Variants in MANBA observed in about 807,000 individuals in gnomAD.
MANBA encodes the protein mannosidase beta.
Under a neutral mutation model 111.1 loss-of-function variants are expected in MANBA, and 83 were observed. The ratio of observed to expected loss-of-function variants is 0.75; its 90% confidence interval spans 0.63 to 0.90. The LOEUF (loss-of-function observed/expected upper bound fraction) is 0.90, where lower values mean the gene tolerates loss of function less well. Among genes scored for constraint, MANBA ranks in the 40% least tolerant of loss-of-function variants. The probability of loss-of-function intolerance (pLI) is 0.00; values close to 1 mark genes in which losing one functional copy is unlikely to be tolerated. For missense variants in MANBA, 1,036 were observed against 1,069.0 expected, an observed-to-expected ratio of 0.97 and a Z score of 0.43; for synonymous variants, 370 against 378.7, an observed-to-expected ratio of 0.98 and a Z score of 0.27.
At chr4:102,633,637 T>C (rs774492359) in intron 16 of MANBA, among the ~76,000 whole-genome samples, 3 of 152,160 alleles carry the variant, frequency 2.0e-5, no homozygotes, top group Non-Finnish European at 4.4e-5. Flanking sequence ...CAAAATGAGA[T>C]AGAACAAAGA....
intron 5 of MANBA, among the ~76,000 whole-genome samples, chr4:102,697,776 G>A (rs555576777): frequency 6.6e-6 from 1 of 151,554 alleles, no homozygotes; most frequent in East Asian, 1.9e-4. Flanking sequence ...ATTTGGGTTG[G>A]TTCCAAGTCT....
intron 2 of MANBA, among the ~76,000 whole-genome samples, chr4:102,726,036 C>T (rs1169925596): frequency 1.3e-5 from 2 of 151,834 alleles, no homozygotes; most frequent in African/African-American, 4.8e-5. Flanking sequence ...ACAGCAGTAA[C>T]TCCATGATAT....
chr4:102,696,051 G>A (rs1358672769), intron 5 of MANBA, among the ~76,000 whole-genome samples: 1 of 152,020 alleles, frequency 6.6e-6, no homozygotes, highest in Non-Finnish European at 1.5e-5. Context: ...TACATAATGA[G>A]ACCCCATCTC....
rs36126232 is a variant in MANBA, at chr4:102,759,137, C to CTTT, written c.177+1578_177+1580dup. 2.5e-4 allele frequency among the ~76,000 whole-genome samples: 34 copies of CTTT among 138,212 alleles called. 1 individual carries two copies. The highest frequency in any genetic ancestry group is 1.2e-3 in the East Asian group (6 of 4,812). The allele number at this position is 138,212 out of a possible 152,430, so 90.7% of individuals were successfully genotyped here. ...TTCCCATTGGCTTAATTCTTTCTTT[C>CTTT]TTTTTTTTTTTTTTTAGAGATAGAA... On this transcript the variant is annotated intron_variant, in intron 1 of 16. Coordinates refer to ENST00000647097, the MANE Select transcript of MANBA (RefSeq NM_005908.4).
Position 102,650,631 on chromosome 4 carries a change from T to C in MANBA, c.1775A>G (p.Asn592Ser). 1 of 1,613,542 alleles carries C rather than the reference T, an allele frequency of 6.2e-7. No individual in the cohort carries two copies. The highest frequency in any genetic ancestry group is 8.5e-7 in the Non-Finnish European group (1 of 1,179,492). The change falls in exon 13 of 17, where the codon AAC (asparagine) becomes AGC (serine). Residue 592 changes from asparagine to serine, a missense_variant. Asn to Ser is a conservative substitution (Grantham distance 46, BLOSUM62 1). Transcript: ENST00000647097. ...SLHRQHHEGG[N>S]KQMLYQAGLH... is the part of the protein sequence containing the mutation. ...TCCAGCCTGATAAAGCATTTGTTTG[T>C]TACCACCTTCGTGATGTTGTCGATG...
At chr4:102,734,617 AGAG>A in intron 1 of MANBA, 2 of 1,595,800 alleles carry the variant, frequency 1.3e-6, no homozygotes, top group Non-Finnish European at 1.7e-6. Flanking sequence ...AAGCGGTAGA[AGAG>A]GAGGCCCGAG....
At position 102,749,004 on chromosome 4, in the gene MANBA, A is replaced by G. The variant is rs558836400; in HGVS notation, c.177+11714T>C. Among the ~76,000 whole-genome samples, 3 of 152,290 alleles carry G rather than the reference A, an allele frequency of 2.0e-5. No individual in the cohort carries two copies. The South Asian group carries it at 6.2e-4, about 32-fold the overall frequency. On this transcript the variant is annotated intron_variant, in intron 1 of 16. Transcript: ENST00000647097. ...ATTTATCTCTTTTTTTAAAAAAAAGAAAACAATGAGCTAGGTTGATAGCGG... is the reference window on the plus strand; with the variant it reads ...ATTTATCTCTTTTTTTAAAAAAAAGGAAACAATGAGCTAGGTTGATAGCGG...
rs192882605 is a variant in MANBA at position 102,674,226 on chromosome 4, A to G, written c.961-156T>C. On this transcript the variant is annotated intron_variant, in intron 7 of 16. Coordinates refer to ENST00000647097, the MANE Select transcript of MANBA (RefSeq NM_005908.4). Reference sequence around the variant, plus strand: ...CACATAATGTGGAAATGCACATTTCAGGAATATACACATATAAATTATTGC... The same window carrying G: ...CACATAATGTGGAAATGCACATTTCGGGAATATACACATATAAATTATTGC... 2.2e-3 allele frequency among the ~76,000 whole-genome samples: 334 copies of G among 152,358 alleles called. 1 individual carries two copies. The highest frequency in any genetic ancestry group is 7.8e-3 in the African/African-American group (323 of 41,588).
chr4:102,757,594 T>G (rs1340500924), intron 1 of MANBA, among the ~76,000 whole-genome samples: 3 of 152,172 alleles, frequency 2.0e-5, no homozygotes, highest in South Asian at 2.1e-4. Flanking sequence ...TGTTTCTACA[T>G]GTAAAACGTG....
chr4:102,656,957 T>C (rs765329018), intron 12 of MANBA, among the ~76,000 whole-genome samples: 6 of 151,986 alleles, frequency 3.9e-5, no homozygotes, highest in Non-Finnish European at 7.4e-5. Context: ...TGCTAATGGG[T>C]TCAGGGTTTC....
chr4:102,656,970 T>C (rs975198420), intron 12 of MANBA, among the ~76,000 whole-genome samples: 1 of 152,074 alleles, frequency 6.6e-6, no homozygotes, highest in African/African-American at 2.4e-5. Context: ...AGGGTTTCTT[T>C]TGAGTGATAA....
intron 1 of MANBA, among the ~76,000 whole-genome samples, chr4:102,744,001 A>C (rs2110207331): frequency 6.6e-6 from 1 of 152,330 alleles, no homozygotes; most frequent in South Asian, 2.1e-4. Context: ...ATATGGTCCA[A>C]GTGGCAGAGC....
chr4:102,730,119 C>T (rs557859340), intron 1 of MANBA: 20 of 1,183,400 alleles, frequency 1.7e-5, no homozygotes, highest in East Asian at 1.2e-4. Flanking sequence ...GCTGAAGGCC[C>T]GGGGCCCAGA....
chr4:102,734,073 C>A (rs1249652196), intron 1 of MANBA, among the ~76,000 whole-genome samples: 1 of 152,156 alleles, frequency 6.6e-6, no homozygotes, highest in Non-Finnish European at 1.5e-5. Context: ...GCATGTACAA[C>A]CAAGAATGAA....
intron 11 of MANBA, among the ~76,000 whole-genome samples, chr4:102,662,188 T>C (rs1476872729): frequency 6.6e-6 from 1 of 152,188 alleles, no homozygotes; most frequent in African/African-American, 2.4e-5. Context: ...AGATCTACCT[T>C]GTTGAACAAA....
chr4:102,701,014 C>G lies in MANBA; in HGVS notation c.674-10243G>C, dbSNP rs940570759. On this transcript the variant is annotated intron_variant, in intron 5 of 16. Transcript: ENST00000647097. ...AGTCTAAGTCTCTTTGTAGGTCACT[C>G]AGGACTTGCTTTATGAATCTGGGTG... is the stretch of plus-strand genomic sequence containing the variant. Among the ~76,000 whole-genome samples the G allele has an allele frequency of 3.0e-4, 45 of 151,870 alleles. 1 individual carries two copies. The highest frequency in any genetic ancestry group is 6.6e-4 in the Admixed American group (10 of 15,234).
intron 5 of MANBA, among the ~76,000 whole-genome samples, chr4:102,706,479 T>A (rs1733301826): frequency 1.3e-5 from 2 of 151,934 alleles, no homozygotes; most frequent in African/African-American, 4.8e-5. Context: ...AAAAGAGAAT[T>A]CAAAAAAATT....
chr4:102,737,271 A>G (rs1723249351), intron 1 of MANBA, among the ~76,000 whole-genome samples: 1 of 152,196 alleles, frequency 6.6e-6, no homozygotes, highest in African/African-American at 2.4e-5. Flanking sequence ...GCACAGCCAA[A>G]GGTGTGAGCA....
chr4:102,664,344 C>T (rs1731107005), intron 11 of MANBA, among the ~76,000 whole-genome samples: 2 of 146,242 alleles, frequency 1.4e-5, no homozygotes, highest in Admixed American at 7.0e-5. Flanking sequence ...CCACTTTAAA[C>T]ATACATTCTT....
Sources: allele counts gnomAD v4.1 joint callset (sites outside exome capture counted in the v4.1 genomes callset), GRCh38; gene constraint gnomAD v4.1.1; transcripts MANE v1.5; gene names NCBI Gene and HGNC (gene_info 2026-07-23, HGNC 2026-07-21).